Variants in FAM149A observed in about 807,000 individuals in gnomAD.
The protein encoded by FAM149A is protein FAM149A.
FAM149A carries 71 observed loss-of-function variants against 78.2 expected under a neutral mutation model. That is an observed-to-expected ratio of 0.91 (90% confidence interval 0.75 to 1.11). The LOEUF (loss-of-function observed/expected upper bound fraction) is 1.11, where lower values mean the gene tolerates loss of function less well. Among genes scored for constraint, FAM149A ranks in the 50% least tolerant of loss-of-function variants. The pLI, the probability that FAM149A is intolerant of heterozygous loss-of-function variation, is 0.00. For missense variants in FAM149A, 1,036 were observed against 971.0 expected (o/e 1.07, Z -0.89); for synonymous variants, 446 against 410.5 (o/e 1.09, Z -1.04).
At chr4:186,149,542 C>A (rs1442004907) in intron 2 of FAM149A, 24 bp from the exon 3 acceptor site, 2 of 1,289,742 alleles carry the variant, frequency 1.6e-6, no homozygotes, top group Admixed American at 2.3e-5. Flanking sequence ...AATGTGATTT[C>A]TTTGCTCATG....
chr4:186,128,960 T>C (rs1393635910), intron 1 of FAM149A, among the ~76,000 whole-genome samples: 1 of 151,836 alleles, frequency 6.6e-6, no homozygotes, highest in Middle Eastern at 3.2e-3. Flanking sequence ...TGAGTATCTG[T>C]GTATGTGTGT....
chr4:186,158,077 T>C lies in FAM149A; in HGVS notation c.1575+358T>C, dbSNP rs751798252. 10 of 1,356,046 alleles carry C rather than the reference T, an allele frequency of 7.4e-6. No homozygotes were observed. The African/African-American group carries it at 1.3e-4, about 18-fold the overall frequency. 84.0% of individuals were successfully genotyped at this position (1,356,046 alleles called of 1,614,324 possible). ...GAAGGGACCTGGGAGAAGCTGCTGC[T>C]GGCAGCTCGTGCCATTGTTGCTGTT... On this transcript the variant is annotated intron_variant, in intron 8 of 13. Coordinates refer to ENST00000389354, the MANE Select transcript of FAM149A (RefSeq NM_001367768.3).
intron 8 of FAM149A, chr4:186,160,721 C>G (rs1239693766): frequency 3.5e-5 from 31 of 894,418 alleles, no homozygotes; most frequent in Non-Finnish European, 4.1e-5. Flanking sequence ...ACCACACACA[C>G]ACCTCACCAC....
intron 1 of FAM149A, chr4:186,145,066 C>A: frequency 6.1e-6 from 6 of 983,782 alleles, no homozygotes; most frequent in Non-Finnish European, 7.2e-6. Context: ...TAGCGCGGAG[C>A]CTGGCGCGGG....
intron 13 of FAM149A, 78 bp downstream of exon 13, chr4:186,167,340 T>C: frequency 7.6e-7 from 1 of 1,322,494 alleles, no homozygotes; most frequent in South Asian, 1.2e-5. Context: ...TGGAAGATGA[T>C]CTACCTTGAT....
At chr4:186,126,193 C>T in intron 1 of FAM149A, 1 of 689,016 alleles carries the variant, frequency 1.5e-6, no homozygotes, top group Non-Finnish European at 1.8e-6. Context: ...AAGCCTCGCG[C>T]CTTGTTACCA....
intron 13 of FAM149A, among the ~76,000 whole-genome samples, chr4:186,168,980 G>C (rs537808329): frequency 6.6e-6 from 1 of 152,278 alleles, no homozygotes; most frequent in South Asian, 2.1e-4. Flanking sequence ...TGACTCTCTG[G>C]ATGGCCAGCG....
chr4:186,165,540 C>A, intron 11 of FAM149A, 76 bp downstream of exon 11: 1 of 1,488,222 alleles, frequency 6.7e-7, no homozygotes, highest in Non-Finnish European at 9.2e-7. Context: ...AACCTTGGCA[C>A]TTCCAAGTGA....
chr4:186,169,947 A>G, intron 13 of FAM149A: 17 of 985,292 alleles, frequency 1.7e-5, no homozygotes, highest in Non-Finnish European at 2.0e-5. Flanking sequence ...ACAAGCTAAC[A>G]TTTAGTTCTT....
rs55690219 is a variant in FAM149A, at chr4:186,108,677, C to A, written c.566+3035C>A. Among the ~76,000 whole-genome samples the A allele has an allele frequency of 3.3e-5, 5 of 151,852 alleles. No homozygotes were observed. The East Asian group carries it at 9.7e-4, about 29-fold the overall frequency. ...TGTCTTCACCTCACTTTCCTGCATC[C>A]CTGGATACGTGATCCAACACCTTTG... On this transcript the variant is annotated intron_variant, in intron 1 of 13. Coordinates refer to ENST00000389354, the MANE Select transcript of FAM149A (RefSeq NM_001367768.3).
At chr4:186,146,886 C>T (rs1297517048) in intron 1 of FAM149A, 7 of 985,272 alleles carry the variant, frequency 7.1e-6, no homozygotes, top group African/African-American at 1.7e-5. Flanking sequence ...TTGCTAATTT[C>T]GTCTTCGCCG....
intron 1 of FAM149A, among the ~76,000 whole-genome samples, chr4:186,108,906 G>A (rs1233258345): frequency 2.7e-5 from 4 of 149,492 alleles, no homozygotes; most frequent in Admixed American, 2.7e-4. Flanking sequence ...GGAGTGCAGT[G>A]GCGCGATCTC....
intron 1 of FAM149A, among the ~76,000 whole-genome samples, chr4:186,129,239 T>A (rs1240509611): frequency 2.0e-5 from 3 of 152,008 alleles, no homozygotes; most frequent in African/African-American, 7.2e-5. Context: ...AATACACTTC[T>A]AATCTGTACC....
chr4:186,108,851 T>G (rs922260211), intron 1 of FAM149A, among the ~76,000 whole-genome samples: 5 of 87,350 alleles, frequency 5.7e-5, no homozygotes, highest in African/African-American at 1.5e-4. Flanking sequence ...CAATCTCTGG[T>G]TTTTTTTTTT....
intron 1 of FAM149A, among the ~76,000 whole-genome samples, chr4:186,136,345 T>A (rs936316988): frequency 6.6e-6 from 1 of 152,174 alleles, no homozygotes; most frequent in East Asian, 1.9e-4. Context: ...AGTAAAAAAA[T>A]TGGATATTAA....
At chr4:186,133,129 TCTCGA>T in intron 1 of FAM149A, 1 of 985,390 alleles carries the variant, frequency 1.0e-6, no homozygotes, top group Non-Finnish European at 1.2e-6. Context: ...TCATGTATTG[TCTCGA>T]CTTCTTTCCA....
chr4:186,124,121 C>T (rs1222353224), intron 1 of FAM149A: 1 of 984,736 alleles, frequency 1.0e-6, no homozygotes, highest in Non-Finnish European at 1.2e-6. Flanking sequence ...AAAGGATGGA[C>T]TTACGATAAG....
intron 13 of FAM149A, chr4:186,169,142 TA>T: frequency 1.0e-6 from 1 of 971,400 alleles, no homozygotes; most frequent in Non-Finnish European, 1.2e-6. Context: ...GAATTTGTTC[TA>T]AATCTCACTG....
Position 186,144,131 on chromosome 4 carries a change from G to A in FAM149A, c.567-5042G>A, listed in dbSNP as rs969315857. On this transcript the variant is annotated intron_variant, in intron 1 of 13. Transcript: ENST00000389354. This position sits in a 1 kb window ranked among gnomAD's most constrained non-coding sequence, Gnocchi z 4.2. ...TGCCCACCCTCTGAGACTCAAAAAT[G>A]TAGTTCACCTCCGCGACCTCACCCC... The A allele has an allele frequency of 1.4e-4, 22 of 152,252 alleles. No individual in the cohort carries two copies. The highest frequency in any genetic ancestry group is 5.1e-4 in the African/African-American group (21 of 41,448). 9.4% of individuals were successfully genotyped at this position (152,252 alleles called of 1,614,324 possible). A position where few individuals can be genotyped will look rare whatever the true frequency, so the allele number is the denominator to read the frequency against.
Sources: allele counts gnomAD v4.1 joint callset (sites outside exome capture counted in the v4.1 genomes callset), GRCh38; gene constraint gnomAD v4.1.1; non-coding constraint Gnocchi (gnomAD v3.1); transcripts MANE v1.5; gene names NCBI Gene and HGNC (gene_info 2026-07-23, HGNC 2026-07-21).